Variants in THG1L observed in about 807,000 individuals in gnomAD.
The protein encoded by THG1L is tRNA-histidine guanylyltransferase 1 like, also known as probable tRNA(His) guanylyltransferase.
A neutral mutation model predicts 35.2 loss-of-function variants in THG1L; 27 were observed. That is an observed-to-expected ratio of 0.77 (90% CI 0.57 to 1.06). The LOEUF (loss-of-function observed/expected upper bound fraction) is 1.06, where lower values mean the gene tolerates loss of function less well. Ranked by LOEUF, THG1L falls within the 50% of genes least tolerant of loss-of-function variation. THG1L has a pLI of 0.00. For missense variants in THG1L, 377 were observed against 371.8 expected (o/e 1.01, Z -0.12); for synonymous variants, 135 against 132.4 (o/e 1.02, Z -0.14).
chr5:157,734,041 T>C (rs534886951), intron 2 of THG1L, among the ~76,000 whole-genome samples: 3 of 152,218 alleles, frequency 2.0e-5, no homozygotes, highest in Non-Finnish European at 4.4e-5. Flanking sequence ...AGGGAAAGGT[T>C]TAGTATCAGT....
At chr5:157,736,613 G>C (rs944610231) in intron 4 of THG1L, among the ~76,000 whole-genome samples, 2 of 152,152 alleles carry the variant, frequency 1.3e-5, no homozygotes, top group African/African-American at 4.8e-5. Flanking sequence ...CATTTTCCCT[G>C]CTGGGCACCT....
Position 157,732,766 on chromosome 5 carries a change from A to T in THG1L, c.192-102A>T, listed in dbSNP as rs547322803. On this transcript the variant is annotated intron_variant, in intron 1 of 5. Transcript: ENST00000231198. ...GTTGAGCATTTGAGTTCACAGTGCT[A>T]TTACATTATCTTCCTCCAAACAGCC... is the stretch of plus-strand genomic sequence containing the variant. 61 of 1,395,552 alleles carry T rather than the reference A, an allele frequency of 4.4e-5. 1 individual carries two copies. In the East Asian group the frequency reaches 1.2e-3, roughly 28 times the overall value. 86.4% of individuals were successfully genotyped at this position (1,395,552 alleles called of 1,614,324 possible).
chr5:157,732,843 T>C (rs1760764411), intron 1 of THG1L, 25 bp from the exon 2 acceptor site: 7 of 1,613,680 alleles, frequency 4.3e-6, no homozygotes, highest in Non-Finnish European at 5.9e-6. Context: ...CCATCCATGC[T>C]TTCTTCCCTT....
In THG1L at chr5:157,735,833, G is replaced by C; in HGVS notation, c.539-13G>C. ...TTATGTATATAAACATTACTATTTT[G>C]TTCTCCTCACAGGTCACATCAATAA... On this transcript the variant is annotated splice_polypyrimidine_tract_variant and intron_variant, in intron 3 of 5. Coordinates refer to ENST00000231198, the MANE Select transcript of THG1L (RefSeq NM_017872.5). 5 of 1,550,164 alleles carry C rather than the reference G, an allele frequency of 3.2e-6. No individual in the cohort carries two copies. In the South Asian group the frequency reaches 5.8e-5, roughly 18 times the overall value.
Position 157,732,965 on chromosome 5 carries a change from A to G in THG1L, c.289A>G (p.Ile97Val), listed in dbSNP as rs778778684. 8.7e-6 allele frequency: 14 copies of G among 1,614,220 alleles called. 1 individual carries two copies. In the South Asian group the frequency reaches 1.5e-4, roughly 18 times the overall value. The part of the protein sequence containing the change: ...AQTVMEELED[I>V]VIAYGQSDEY... Reference sequence around the variant, plus strand: ...GACTGTGATGGAAGAACTAGAGGATATTGTGATCGCGTATGGACAGAGTGA... The same window carrying G: ...GACTGTGATGGAAGAACTAGAGGATGTTGTGATCGCGTATGGACAGAGTGA... The change falls in exon 2 of 6, where the codon ATT becomes GTT. Residue 97 changes from isoleucine (I) to valine (V), a missense_variant. Transcript: ENST00000231198.
Position 157,739,647 on chromosome 5 carries a change from G to C in THG1L, c.*165G>C. The stretch of plus-strand genomic sequence containing the variant: ...GGGAAGGAAGGGATGGATGGGGGTG[G>C]TGTATCTTACTCTGTTTAAGCAGAA... On this transcript the variant is annotated 3_prime_UTR_variant, in exon 6 of 6. Transcript: ENST00000231198. The C allele has an allele frequency of 1.4e-6, 1 of 730,312 alleles. No individual in the cohort carries two copies. Among genetic ancestry groups the C allele is most frequent in the Non-Finnish European group, 2.1e-6 (1 of 471,754 alleles). 45.2% of individuals were successfully genotyped at this position (730,312 alleles called of 1,614,324 possible).
chr5:157,731,658 C>T (rs1760723013), intron 1 of THG1L, 27 bp downstream of exon 1: 2 of 1,574,076 alleles, frequency 1.3e-6, no homozygotes, highest in Admixed American at 3.6e-5. Context: ...CGGGGCGTCG[C>T]GATGCGCCAG....
chr5:157,739,248 TC>T, intron 5 of THG1L, 72 bp from the exon 6 acceptor site: 1 of 1,477,580 alleles, frequency 6.8e-7, no homozygotes, highest in East Asian at 2.3e-5. Context: ...AAGTGAGCTA[TC>T]CCCACATCTT....
intron 4 of THG1L, among the ~76,000 whole-genome samples, chr5:157,737,371 G>A (rs975790882): frequency 2.0e-5 from 3 of 151,982 alleles, no homozygotes; most frequent in African/African-American, 4.8e-5. Flanking sequence ...TAATCCCAGC[G>A]ACTCAGGAGG....
intron 4 of THG1L, 132 bp from the exon 5 acceptor site, chr5:157,737,755 T>G: frequency 1.6e-6 from 1 of 641,366 alleles, no homozygotes; most frequent in East Asian, 3.0e-5. Context: ...AATTTACTAA[T>G]AACTATAAGA....
chr5:157,732,281 A>G (rs1760749901), intron 1 of THG1L, among the ~76,000 whole-genome samples: 1 of 150,832 alleles, frequency 6.6e-6, no homozygotes, highest in South Asian at 2.1e-4. Context: ...AGAGAAAGAA[A>G]GAAAAAGAAA....
At chr5:157,736,785 C>T (rs1760899972) in intron 4 of THG1L, among the ~76,000 whole-genome samples, 2 of 152,010 alleles carry the variant, frequency 1.3e-5, no homozygotes, top group African/African-American at 2.4e-5. Context: ...TAGTTTCTAC[C>T]TCATAGGTTT....
chr5:157,731,704 C>T (rs1461057881), intron 1 of THG1L, 73 bp downstream of exon 1: 20 of 1,514,738 alleles, frequency 1.3e-5, no homozygotes, highest in South Asian at 2.6e-5. Flanking sequence ...CCTTGCAAGT[C>T]CTCCCGCCCG....
intron 4 of THG1L, among the ~76,000 whole-genome samples, chr5:157,736,275 A>G (rs1760887008): frequency 6.8e-6 from 1 of 146,366 alleles, no homozygotes; most frequent in African/African-American, 2.5e-5. Context: ...TTTGAGACAC[A>G]GTTTCACTCT....
chr5:157,739,540 G>A lies in THG1L; in HGVS notation c.*58G>A. On this transcript the variant is annotated 3_prime_UTR_variant, in exon 6 of 6. Coordinates refer to ENST00000231198, the MANE Select transcript of THG1L (RefSeq NM_017872.5). ...CATGCAAGCCCTCCCACCTCCCAGG[G>A]CTCCTTGCCTTAGGTGGCTGTAGCA... 6.4e-7 allele frequency: 1 copy of A among 1,551,900 alleles called. No individual in the cohort carries two copies. Among genetic ancestry groups the A allele is most frequent in the Non-Finnish European group, 8.7e-7 (1 of 1,148,400 alleles).
chr5:157,735,204 C>T (rs557151208), intron 3 of THG1L, among the ~76,000 whole-genome samples: 367 of 152,326 alleles, frequency 2.4e-3, no homozygotes, highest in African/African-American at 8.5e-3. Context: ...TCCCAAAGTG[C>T]TGGGATTATA....
chr5:157,734,629 G>T lies in THG1L; in HGVS notation c.422G>T (p.Trp141Leu). The change falls in exon 3 of 6, where the codon TGG (tryptophan) becomes TTG (leucine). Residue 141 changes from tryptophan (W) to leucine (L), a missense_variant. Transcript: ENST00000231198. ...TTTGCCTCCAGCTATGTGTTTTATT[G>T]GCGGGATTACTTTGAGGACCAGCCC... The part of the protein sequence containing the change: ...SQFASSYVFY[W>L]RDYFEDQPLL... The T allele has an allele frequency of 6.2e-7, 1 of 1,613,966 alleles. No individual in the cohort carries two copies.
At chr5:157,734,854 TG>T in intron 3 of THG1L, 109 bp downstream of exon 3, 1 of 1,173,290 alleles carries the variant, frequency 8.5e-7, no homozygotes, top group Non-Finnish European at 1.2e-6. Context: ...ACATATACGT[TG>T]TACAGAATGC....
intron 3 of THG1L, among the ~76,000 whole-genome samples, 169 bp downstream of exon 3, chr5:157,734,914 T>G (rs982716204): frequency 6.6e-5 from 10 of 152,120 alleles, no homozygotes; most frequent in Admixed American, 2.0e-4. Context: ...AAAAATTAAA[T>G]TTTACGTAAA....
Sources: allele counts gnomAD v4.1 joint callset (sites outside exome capture counted in the v4.1 genomes callset), GRCh38; gene constraint gnomAD v4.1.1; transcripts MANE v1.5; gene names NCBI Gene and HGNC (gene_info 2026-07-23, HGNC 2026-07-21).